ZFP91: variants seen among roughly 807,000 people sequenced by gnomAD.
ZFP91 encodes ZFP91 zinc finger protein, atypical E3 ubiquitin ligase, also known as E3 ubiquitin-protein ligase ZFP91.
A neutral mutation model predicts 63.5 loss-of-function variants in ZFP91; 7 were observed. The observed-to-expected ratio is 0.11, with a 90% CI of 0.06 to 0.21. The LOEUF is 0.21. Ranked by LOEUF, ZFP91 falls within the 10% of genes least tolerant of loss-of-function variation. The pLI, the probability that ZFP91 is intolerant of heterozygous loss-of-function variation, is 1.00. For synonymous variants in ZFP91, 330 were observed against 272.1 expected, an observed-to-expected ratio of 1.21 and a Z score of -2.10; for missense variants, 628 against 736.6, an observed-to-expected ratio of 0.85 and a Z score of 1.71.
In ZFP91 at chr11:58,579,330, G is replaced by A; in HGVS notation, c.49G>A (p.Glu17Lys). ...GAGACCCCCGGAGCAGCAGGACCAG[G>A]AAGGGGGAGAGGCGGCCAAGGCGGC... ...EPRPPEQQDQ[E>K]GGEAAKAAPE... The change falls in exon 1 of 11, where the codon GAA (glutamate) becomes AAA (lysine). Residue 17 changes from glutamate to lysine, a missense_variant. By Grantham distance (56) the Glu-to-Lys change is moderately conservative. Around this residue, in one of 3 missense-constraint regions of ZFP91, gnomAD observed 437 missense variants for 380.3 expected, o/e 1.15. Coordinates refer to ENST00000316059, the MANE Select transcript of ZFP91 (RefSeq NM_053023.5). 1 of 1,494,714 alleles carries A rather than the reference G, an allele frequency of 6.7e-7. No individual in the cohort carries two copies. Among genetic ancestry groups the A allele is most frequent in the Non-Finnish European group, 8.9e-7 (1 of 1,126,578 alleles). The allele number at this position is 1,494,714 out of a possible 1,614,324, so 92.6% of individuals were successfully genotyped here.
intron 2 of ZFP91, among the ~76,000 whole-genome samples, chr11:58,590,524 A>G (rs749454677): frequency 2.0e-5 from 3 of 152,216 alleles, no homozygotes; most frequent in Admixed American, 6.5e-5. Context: ...AGTATAATCA[A>G]TCAGTTGTAT....
chr11:58,604,678 C>T (rs993866298), intron 2 of ZFP91, among the ~76,000 whole-genome samples: 3 of 152,208 alleles, frequency 2.0e-5, no homozygotes, highest in Non-Finnish European at 2.9e-5. Flanking sequence ...CGGCTCAGAA[C>T]GGCTTTGAAT....
intron 2 of ZFP91, among the ~76,000 whole-genome samples, chr11:58,607,683 A>T (rs1289439032): frequency 6.6e-6 from 1 of 152,122 alleles, no homozygotes; most frequent in African/African-American, 2.4e-5. Context: ...TAGTCACCAC[A>T]TTGCTCCATA....
intron 2 of ZFP91, among the ~76,000 whole-genome samples, chr11:58,598,543 A>G (rs1057438689): frequency 6.6e-6 from 1 of 152,042 alleles, no homozygotes; most frequent in African/African-American, 2.4e-5. Flanking sequence ...CCAAGCTAGT[A>G]TGGCTTTTTT....
In ZFP91 at chr11:58,611,143, A is replaced by T. The variant is rs762623323; in HGVS notation, c.722+89A>T. 5.4e-5 allele frequency: 61 copies of T among 1,133,256 alleles called. No individual in the cohort carries two copies. In the Admixed American group the frequency reaches 1.1e-3, roughly 20 times the overall value. 70.2% of individuals were successfully genotyped at this position (1,133,256 alleles called of 1,614,324 possible). A position where few individuals can be genotyped will look rare whatever the true frequency, so the allele number is the denominator to read the frequency against. ...CTTTTATTTTATCTGTTGCCAAGCT[A>T]ATGGGTATAGAATTAATTTTAAATG... On this transcript the variant is annotated intron_variant, in intron 5 of 10. Coordinates refer to ENST00000316059, the MANE Select transcript of ZFP91 (RefSeq NM_053023.5).
chr11:58,614,958 C>T (rs534846079), intron 9 of ZFP91, among the ~76,000 whole-genome samples: 2 of 152,272 alleles, frequency 1.3e-5, no homozygotes, highest in South Asian at 4.1e-4. Flanking sequence ...CTGAGTATGT[C>T]CCAGACACTT....
rs773369598 is a variant in ZFP91, at chr11:58,610,015, C to T, written c.556C>T (p.Pro186Ser). Residue 186 changes from proline to serine, a missense_variant, in exon 3 of 11, where the codon CCA (proline) becomes TCA (serine). Pro to Ser is a moderately conservative substitution (Grantham distance 74, BLOSUM62 -1). Transcript: ENST00000316059. Reference sequence around the variant, plus strand: ...ATTGCAGCTCATTTGCAAGTCAGAACCAAATACAGACCAACTTGATTATGG... The same window carrying T: ...ATTGCAGCTCATTTGCAAGTCAGAATCAAATACAGACCAACTTGATTATGG... ...GSLQLICKSEPNTDQLDYDVG... is the reference protein window; with the variant it reads ...GSLQLICKSESNTDQLDYDVG... 1.2e-6 allele frequency: 2 copies of T among 1,614,042 alleles called. No homozygotes were observed. The highest frequency in any genetic ancestry group is 1.7e-6 in the Non-Finnish European group (2 of 1,180,044).
intron 2 of ZFP91, among the ~76,000 whole-genome samples, chr11:58,598,247 A>G (rs1050651484): frequency 2.6e-5 from 4 of 152,038 alleles, no homozygotes; most frequent in African/African-American, 9.7e-5. Context: ...AACTTTTTAT[A>G]TTTGTGTATA....
At chr11:58,600,266 G>T (rs910270750) in intron 2 of ZFP91, among the ~76,000 whole-genome samples, 1 of 151,676 alleles carries the variant, frequency 6.6e-6, no homozygotes, top group Admixed American at 6.6e-5. Flanking sequence ...TAATCTGTGG[G>T]TTTATTTTCA....
intron 2 of ZFP91, among the ~76,000 whole-genome samples, chr11:58,592,097 T>TTTTG (rs1431072201): frequency 7.3e-5 from 11 of 149,972 alleles, no homozygotes; most frequent in Admixed American, 2.7e-4. Flanking sequence ...TTTTTTTTTT[T>TTTTG]TTTTGGAGAC....
chr11:58,603,612 A>G (rs1855525629), intron 2 of ZFP91, among the ~76,000 whole-genome samples: 1 of 152,228 alleles, frequency 6.6e-6, no homozygotes, highest in African/African-American at 2.4e-5. Flanking sequence ...GAATTAAAGA[A>G]GAATGATGCT....
intron 2 of ZFP91, among the ~76,000 whole-genome samples, chr11:58,595,401 G>T: frequency 6.6e-6 from 1 of 151,944 alleles, no homozygotes; most frequent in Admixed American, 6.6e-5. Flanking sequence ...TGTTAGAATG[G>T]CCCTTCTAAC....
chr11:58,579,108 C>CA lies in ZFP91; in HGVS notation c.-173dup. ...GCCAGCGGTAGCGGACCTTGAGTGG[C>CA]AGGGGGTGGGGGGGGCGCCCTCGGA... On this transcript the variant is annotated 5_prime_UTR_variant, in exon 1 of 11. Transcript: ENST00000316059. 1 of 371,290 alleles carries CA rather than the reference C, an allele frequency of 2.7e-6. No individual in the cohort carries two copies. The allele number at this position is 371,290 out of a possible 1,614,324, so 23.0% of individuals were successfully genotyped here.
intron 2 of ZFP91, among the ~76,000 whole-genome samples, chr11:58,586,775 C>T (rs931685604): frequency 6.6e-6 from 1 of 152,162 alleles, no homozygotes; most frequent in Non-Finnish European, 1.5e-5. Context: ...CTCAGTTATT[C>T]TGGTACTCTG....
At chr11:58,612,244 A>C in intron 6 of ZFP91, 34 bp from the exon 7 acceptor site, 1 of 1,610,656 alleles carries the variant, frequency 6.2e-7, no homozygotes, top group African/African-American at 1.3e-5. Flanking sequence ...TTTGATTCAG[A>C]ATATGTCTAC....
chr11:58,617,720 T>C lies in ZFP91; in HGVS notation c.*14T>C, dbSNP rs373830717. 2 of 1,494,508 alleles carry C rather than the reference T, an allele frequency of 1.3e-6. No homozygotes were observed. Among genetic ancestry groups the C allele is most frequent in the East Asian group, 2.3e-5 (1 of 42,774 alleles). The allele number at this position is 1,494,508 out of a possible 1,614,324, so 92.6% of individuals were successfully genotyped here. A position where few individuals can be genotyped will look rare whatever the true frequency, so the allele number is the denominator to read the frequency against. On this transcript the variant is annotated 3_prime_UTR_variant, in exon 11 of 11. Coordinates refer to ENST00000316059, the MANE Select transcript of ZFP91 (RefSeq NM_053023.5). The surrounding 1 kb of genome is among the most constrained non-coding windows in gnomAD (Gnocchi z 4.2). ...GCCGGACCTTAGTGGACAGGAAGACTTGGGGCATGGGACAGCTCAGACTTT... is the reference window on the plus strand; with the variant it reads ...GCCGGACCTTAGTGGACAGGAAGACCTGGGGCATGGGACAGCTCAGACTTT...
At chr11:58,613,582 CATTTT>C (rs981548128) in intron 8 of ZFP91, among the ~76,000 whole-genome samples, 4 of 152,252 alleles carry the variant, frequency 2.6e-5, no homozygotes, top group African/African-American at 4.8e-5. Flanking sequence ...TACAGAGTAA[CATTTT>C]ATTTTAAAGT....
At chr11:58,605,612 C>G (rs2134412956) in intron 2 of ZFP91, among the ~76,000 whole-genome samples, 1 of 152,034 alleles carries the variant, frequency 6.6e-6, no homozygotes, top group South Asian at 2.1e-4. Context: ...TTCTGACTTC[C>G]ATGGTTTCTG....
intron 1 of ZFP91, among the ~76,000 whole-genome samples, chr11:58,584,423 C>T (rs899301002): frequency 1.3e-5 from 2 of 152,084 alleles, no homozygotes; most frequent in African/African-American, 4.8e-5. Context: ...TTTTGGAGCA[C>T]ATCCCAAACA....
Sources: allele counts gnomAD v4.1 joint callset (sites outside exome capture counted in the v4.1 genomes callset), GRCh38; gene constraint gnomAD v4.1.1; regional missense constraint gnomAD v4.1.1; non-coding constraint Gnocchi (gnomAD v3.1); transcripts MANE v1.5; gene names NCBI Gene and HGNC (gene_info 2026-07-23, HGNC 2026-07-21).